The following TUSC3 variants were observed in gnomAD, a reference collection of about 807,000 sequenced individuals.
The protein encoded by TUSC3 is dolichyl-diphosphooligosaccharide--protein glycosyltransferase subunit TUSC3.
In TUSC3, 45 loss-of-function variants were observed where a neutral mutation model predicts 44.8. The observed-to-expected ratio is 1.00, with a 90% CI of 0.79 to 1.29. The LOEUF is 1.29. Among genes scored for constraint, TUSC3 ranks in the 50% most tolerant of loss-of-function variants. TUSC3 has a pLI of 0.00. For missense variants in TUSC3, 519 were observed against 437.9 expected, an observed-to-expected ratio of 1.19 and a Z score of -1.65; for synonymous variants, 212 against 152.9, an observed-to-expected ratio of 1.39 and a Z score of -2.85.
At chr8:15,696,501 TCACA>T (rs985281634) in intron 6 of TUSC3, among the ~76,000 whole-genome samples, 1 of 152,186 alleles carries the variant, frequency 6.6e-6, no homozygotes, top group African/African-American at 2.4e-5. Flanking sequence ...GTCAAAGCGC[TCACA>T]CAGAGTCCCT....
intron 6 of TUSC3, among the ~76,000 whole-genome samples, chr8:15,723,172 T>G (rs188148809): frequency 1.3e-5 from 2 of 152,282 alleles, no homozygotes; most frequent in Admixed American, 1.3e-4. Flanking sequence ...AATAAAATTC[T>G]AAGATGACTT....
intron 1 of TUSC3, among the ~76,000 whole-genome samples, chr8:15,482,357 C>G (rs1256964077): frequency 6.6e-6 from 1 of 152,166 alleles, no homozygotes; most frequent in Non-Finnish European, 1.5e-5. Flanking sequence ...ACAAAGTTCT[C>G]GTGGCAGAGA....
the TUSC3 span, among the ~76,000 whole-genome samples, chr8:15,784,019 CTA>C: frequency 6.6e-6 from 1 of 152,052 alleles, no homozygotes; most frequent in Non-Finnish European, 1.5e-5. Context: ...ATAAATAACA[CTA>C]TTTTAAAAAT....
At position 15,658,631 on chromosome 8, in the gene TUSC3, CAT is replaced by C. The variant is rs146151106; in HGVS notation, c.427-868_427-867del. ...GAAATTTAATTCGTGTATATATACA[CAT>C]ATATATACACACACACACACACACA... On this transcript the variant is annotated intron_variant, in intron 3 of 10. Transcript: ENST00000503731. Among the ~76,000 whole-genome samples, 14 of 109,414 alleles carry C rather than the reference CAT, an allele frequency of 1.3e-4. No homozygotes were observed. The South Asian group carries it at 1.7e-3, about 13-fold the overall frequency. 71.8% of individuals were successfully genotyped at this position (109,414 alleles called of 152,430 possible).
chr8:15,635,482 C>G (rs35965940), intron 2 of TUSC3, among the ~76,000 whole-genome samples: 61,596 of 151,902 alleles, frequency 0.41, 12,727 homozygotes, highest in East Asian at 0.49. Flanking sequence ...GCAAAAGGCA[C>G]AGTATTATTA....
chr8:15,649,647 ATC>A (rs1806797304), intron 2 of TUSC3, among the ~76,000 whole-genome samples: 4 of 151,564 alleles, frequency 2.6e-5, no homozygotes, highest in Admixed American at 2.0e-4. Flanking sequence ...TTTTTTTTAA[ATC>A]TCCAGCCTCT....
chr8:15,603,548 A>T (rs755380464), intron 1 of TUSC3, among the ~76,000 whole-genome samples: 1 of 151,682 alleles, frequency 6.6e-6, no homozygotes, highest in African/African-American at 2.4e-5. Flanking sequence ...AGTACAATAT[A>T]TAGGATTATA....
intron 6 of TUSC3, among the ~76,000 whole-genome samples, chr8:15,706,977 A>T (rs1038243399): frequency 6.6e-6 from 1 of 151,972 alleles, no homozygotes; most frequent in Non-Finnish European, 1.5e-5. Context: ...TCATTGAATC[A>T]TATTATAAGT....
rs537447084 is a variant in TUSC3 at position 15,704,969 on chromosome 8, T to G, written c.799-25697T>G. On this transcript the variant is annotated intron_variant, in intron 6 of 10. Coordinates refer to ENST00000503731, the MANE Select transcript of TUSC3 (RefSeq NM_006765.4). ...TTTAAAAAAAAAAAAATAGTCCTTA[T>G]TATTTGGAACACTTGTTATATAACT... is the stretch of plus-strand genomic sequence containing the variant. 1.8e-4 allele frequency among the ~76,000 whole-genome samples: 27 copies of G among 152,162 alleles called. No individual in the cohort carries two copies. In the South Asian group the frequency reaches 5.4e-3, roughly 30 times the overall value.
At chr8:15,687,773 A>C (rs1808702483) in intron 6 of TUSC3, among the ~76,000 whole-genome samples, 1 of 152,246 alleles carries the variant, frequency 6.6e-6, no homozygotes, top group Non-Finnish European at 1.5e-5. Context: ...ATGATACTGC[A>C]TAGATAAATA....
intron 2 of TUSC3, among the ~76,000 whole-genome samples, chr8:15,492,961 G>T (rs1585064676): frequency 1.3e-5 from 2 of 152,112 alleles, no homozygotes; most frequent in Middle Eastern, 6.8e-3. Flanking sequence ...CTGCACTCCA[G>T]CCTGTGTAAC....
At chr8:15,827,284 C>G in the TUSC3 span, among the ~76,000 whole-genome samples, 1 of 152,158 alleles carries the variant, frequency 6.6e-6, no homozygotes, top group Non-Finnish European at 1.5e-5. Context: ...TGAAAACAAA[C>G]CAGTTACGGA....
At chr8:15,793,865 A>C in the TUSC3 span, among the ~76,000 whole-genome samples, 1 of 152,250 alleles carries the variant, frequency 6.6e-6, no homozygotes, top group Non-Finnish European at 1.5e-5. Context: ...GGAACATTTC[A>C]GGCAGATGTC....
Position 15,739,318 on chromosome 8 carries a change from G to A in TUSC3, c.863-4220G>A, listed in dbSNP as rs185363260. The stretch of plus-strand genomic sequence containing the variant: ...ATTTTATGTTTTGCCTTATTTATTT[G>A]GGAATAGCTTTATAGGAGTGTAGTT... On this transcript the variant is annotated intron_variant, in intron 7 of 10. Coordinates refer to ENST00000503731, the MANE Select transcript of TUSC3 (RefSeq NM_006765.4). Among the ~76,000 whole-genome samples, 662 of 151,876 alleles carry A rather than the reference G, an allele frequency of 4.4e-3. 5 individuals are homozygous for A. The highest frequency in any genetic ancestry group is 0.015 in the African/African-American group (608 of 41,400).
intron 6 of TUSC3, chr8:15,689,466 G>T (rs1275463502): frequency 1.2e-5 from 2 of 173,294 alleles, no homozygotes; most frequent in Admixed American, 6.4e-5. Flanking sequence ...GAAGGCCGCA[G>T]CTGGGTCTTC....
At chr8:15,738,897 A>G (rs931219959) in intron 7 of TUSC3, among the ~76,000 whole-genome samples, 5 of 136,366 alleles carry the variant, frequency 3.7e-5, no homozygotes, top group South Asian at 2.3e-4. Context: ...CAGTGGTGCA[A>G]TCTCGGCTCA....
chr8:15,660,902 G>GT (rs67553172), intron 4 of TUSC3, among the ~76,000 whole-genome samples: 2 of 122,672 alleles, frequency 1.6e-5, no homozygotes, highest in Non-Finnish European at 1.7e-5. Flanking sequence ...ATAAACTTTT[G>GT]TTAAAAAAAA....
chr8:15,608,654 C>G (rs1804635035), intron 1 of TUSC3, among the ~76,000 whole-genome samples: 1 of 152,068 alleles, frequency 6.6e-6, no homozygotes, highest in Non-Finnish European at 1.5e-5. Context: ...GTGCGTGAGT[C>G]TCGTGAGATC....
At chr8:15,849,809 C>A in the TUSC3 span, among the ~76,000 whole-genome samples, 2 of 149,880 alleles carry the variant, frequency 1.3e-5, no homozygotes, top group African/African-American at 5.0e-5. Context: ...TTGAAGCCTA[C>A]AAAAAAAAAA....
Sources: gnomAD v4.1 joint callset for allele counts (sites outside exome capture counted in the v4.1 genomes callset) on GRCh38, gnomAD v4.1.1 for gene constraint, MANE v1.5 for transcripts, NCBI Gene and HGNC (gene_info 2026-07-23, HGNC 2026-07-21) for gene names.